The following EML6 variants were observed in gnomAD, a reference collection of about 807,000 sequenced individuals.
EML6 encodes EMAP like 6, also known as echinoderm microtubule-associated protein-like 6.
EML6 carries 154 observed loss-of-function variants against 240.1 expected under a neutral mutation model. The ratio of observed to expected loss-of-function variants is 0.64; its 90% CI spans 0.56 to 0.73. The LOEUF (loss-of-function observed/expected upper bound fraction) is 0.73, where lower values mean the gene tolerates loss of function less well. Among genes scored for constraint, EML6 ranks in the 30% least tolerant of loss-of-function variants. EML6 has a pLI of 0.00. For missense variants in EML6, 2,964 were observed against 2,474.6 expected, an observed-to-expected ratio of 1.20 and a Z score of -4.20; for synonymous variants, 1,148 against 899.0, an observed-to-expected ratio of 1.28 and a Z score of -4.95.
chr2:54,902,621 A>T (rs1673118022), intron 22 of EML6, among the ~76,000 whole-genome samples: 1 of 151,708 alleles, frequency 6.6e-6, no homozygotes, highest in East Asian at 1.9e-4. Flanking sequence ...CTGGTCTTGA[A>T]CTCCAGGGCT....
At chr2:54,765,989 T>G (rs1481336232) in intron 2 of EML6, among the ~76,000 whole-genome samples, 1 of 152,158 alleles carries the variant, frequency 6.6e-6, no homozygotes, top group African/African-American at 2.4e-5. Flanking sequence ...TGCTTTAATA[T>G]TCTCTCTCTT....
At chr2:54,793,732 T>C (rs1669599536) in intron 2 of EML6, among the ~76,000 whole-genome samples, 1 of 152,150 alleles carries the variant, frequency 6.6e-6, no homozygotes, top group South Asian at 2.1e-4. Flanking sequence ...TACATAAGTG[T>C]TGTGGACTTC....
chr2:54,907,512 G>T (rs1386932660), intron 24 of EML6, among the ~76,000 whole-genome samples: 2 of 152,052 alleles, frequency 1.3e-5, no homozygotes, highest in Non-Finnish European at 2.9e-5. Context: ...GTCTCAAAAA[G>T]TAATAATAAA....
At chr2:54,929,235 C>G (rs537342491) in intron 28 of EML6, among the ~76,000 whole-genome samples, 7 of 152,278 alleles carry the variant, frequency 4.6e-5, no homozygotes, top group African/African-American at 1.7e-4. Flanking sequence ...TCTTCATTTG[C>G]CCAGATTTGT....
rs887 is a variant in EML6 at position 54,971,932 on chromosome 2, A to C, written c.*1837A>C. 6.6e-6 allele frequency: 1 copy of C among 152,110 alleles called. No homozygotes were observed. Among genetic ancestry groups the C allele is most frequent in the Non-Finnish European group, 1.5e-5 (1 of 68,020 alleles). The allele number at this position is 152,110 out of a possible 1,614,324, so 9.4% of individuals were successfully genotyped here. A position where few individuals can be genotyped will look rare whatever the true frequency, so the allele number is the denominator to read the frequency against. Reference sequence around the variant, plus strand: ...AATCCTGCACTGTATGATATATGTGAGTTAAAACATTGGTGCATGAATTTA... The same window carrying C: ...AATCCTGCACTGTATGATATATGTGCGTTAAAACATTGGTGCATGAATTTA... On this transcript the variant is annotated 3_prime_UTR_variant, in exon 42 of 42. Coordinates refer to ENST00000356458, the MANE Select transcript of EML6 (RefSeq NM_001039753.4).
intron 21 of EML6, among the ~76,000 whole-genome samples, 168 bp downstream of exon 21, chr2:54,895,568 G>A (rs1402647222): frequency 2.0e-5 from 3 of 152,244 alleles, no homozygotes; most frequent in African/African-American, 7.2e-5. Flanking sequence ...AAGCTTAGCA[G>A]CTTAAAACAA....
At chr2:54,787,772 T>A (rs1669168983) in intron 2 of EML6, among the ~76,000 whole-genome samples, 2 of 152,254 alleles carry the variant, frequency 1.3e-5, no homozygotes, top group South Asian at 4.1e-4. Context: ...GTTTCACATG[T>A]TTAAGGTAGC....
chr2:54,835,213 T>A (rs1669077898), intron 7 of EML6, among the ~76,000 whole-genome samples: 1 of 152,248 alleles, frequency 6.6e-6, no homozygotes, highest in African/African-American at 2.4e-5. Context: ...TCTCCCGGGT[T>A]TACCTTTCAC....
Position 54,847,618 on chromosome 2 carries a change from A to T in EML6, c.1182A>T (p.Arg394=), listed in dbSNP as rs993256990. The T allele has an allele frequency of 6.4e-7, 1 of 1,552,316 alleles. No individual in the cohort carries two copies. The highest frequency in any genetic ancestry group is 8.7e-7 in the Non-Finnish European group (1 of 1,147,128). Residue 394 remains arginine, a synonymous_variant, in exon 9 of 42, where the codon CGA becomes CGT. Coordinates refer to ENST00000356458, the MANE Select transcript of EML6 (RefSeq NM_001039753.4). ...AGGACGGCTCTTTCATTGTTCTCCGAGTCAGGCACGTACTGATGTTGAAAA... is the reference window on the plus strand; with the variant it reads ...AGGACGGCTCTTTCATTGTTCTCCGTGTCAGGCACGTACTGATGTTGAAAA... ...GMKDGSFIVL[R]VRDMTEVVHI... is the part of the protein sequence containing the mutation.
intron 2 of EML6, among the ~76,000 whole-genome samples, chr2:54,802,442 A>T (rs1670203328): frequency 6.6e-6 from 1 of 152,038 alleles, no homozygotes; most frequent in Non-Finnish European, 1.5e-5. Flanking sequence ...CCTGGTCAAC[A>T]TGGTCAAACC....
At chr2:54,899,095 A>T (rs1397746164) in intron 21 of EML6, among the ~76,000 whole-genome samples, 1 of 152,162 alleles carries the variant, frequency 6.6e-6, no homozygotes, top group Non-Finnish European at 1.5e-5. Flanking sequence ...TTGAAATGAA[A>T]ATTTAGCTTC....
At chr2:54,864,182 A>C (rs1159331814) in intron 13 of EML6, among the ~76,000 whole-genome samples, 1 of 152,190 alleles carries the variant, frequency 6.6e-6, no homozygotes, top group Admixed American at 6.5e-5. Flanking sequence ...TTTGAAGAAA[A>C]ATGTGCAAGT....
chr2:54,782,143 C>G (rs1263296754), intron 2 of EML6, among the ~76,000 whole-genome samples: 2 of 152,104 alleles, frequency 1.3e-5, no homozygotes, highest in Non-Finnish European at 2.9e-5. Flanking sequence ...TATGTTCTAA[C>G]TAAGTTTTAT....
chr2:54,790,282 C>T (rs1268720160), intron 2 of EML6, among the ~76,000 whole-genome samples: 1 of 152,152 alleles, frequency 6.6e-6, no homozygotes, highest in Admixed American at 6.5e-5. Flanking sequence ...CCACTGTCTT[C>T]CCACATATGT....
chr2:54,764,935 G>A (rs1337959145), intron 2 of EML6, among the ~76,000 whole-genome samples: 1 of 152,138 alleles, frequency 6.6e-6, no homozygotes. Flanking sequence ...GGGATTGTTG[G>A]CATTTGATTA....
intron 2 of EML6, among the ~76,000 whole-genome samples, chr2:54,767,998 T>G (rs566394420): frequency 3.3e-5 from 5 of 152,168 alleles, no homozygotes; most frequent in Middle Eastern, 3.2e-3. Flanking sequence ...TAATGATTCT[T>G]AGGCTTTGTA....
chr2:54,839,741 C>T (rs1162898043), intron 7 of EML6, among the ~76,000 whole-genome samples: 1 of 152,200 alleles, frequency 6.6e-6, no homozygotes, highest in Non-Finnish European at 1.5e-5. Flanking sequence ...TGGCCCTCTC[C>T]TTGCCAGGAA....
chr2:54,926,654 G>A (rs1558693355), intron 26 of EML6, among the ~76,000 whole-genome samples: 1 of 152,208 alleles, frequency 6.6e-6, no homozygotes, highest in African/African-American at 2.4e-5. Flanking sequence ...TCTAGCAACT[G>A]TCAATTCCCT....
At position 54,953,992 on chromosome 2, in the gene EML6, C is replaced by A; in HGVS notation, c.4322C>A (p.Pro1441His). The change falls in exon 32 of 42, where the codon CCT (proline) becomes CAT (histidine). Residue 1441 changes from proline to histidine, a missense_variant. Pro to His is a moderately conservative substitution (Grantham distance 77, BLOSUM62 -2). Coordinates refer to ENST00000356458, the MANE Select transcript of EML6 (RefSeq NM_001039753.4). The part of the protein sequence containing the change: ...VVATSQIGTT[P>H]SIHIWDAMTK... ...GCCTCTCCACACTCAGGGACAACAC[C>A]TTCCATCCACATATGGGACGCCATG... 6.4e-7 allele frequency: 1 copy of A among 1,551,092 alleles called. No homozygotes were observed. The highest frequency in any genetic ancestry group is 8.7e-7 in the Non-Finnish European group (1 of 1,146,454).
Sources: allele counts gnomAD v4.1 joint callset (sites outside exome capture counted in the v4.1 genomes callset), GRCh38; gene constraint gnomAD v4.1.1; transcripts MANE v1.5; gene names NCBI Gene and HGNC (gene_info 2026-07-23, HGNC 2026-07-21).